Variants in ROR2 observed in about 807,000 individuals in gnomAD.
The protein encoded by ROR2 is tyrosine-protein kinase transmembrane receptor ROR2.
ROR2 carries 33 observed loss-of-function variants against 74.9 expected under a neutral mutation model. That is an observed-to-expected ratio of 0.44 (90% CI 0.33 to 0.59). The LOEUF (loss-of-function observed/expected upper bound fraction) is 0.59. Ranked by LOEUF, ROR2 falls within the 20% of genes least tolerant of loss-of-function variation. ROR2 has a pLI of 0.02. For synonymous variants in ROR2, 586 were observed against 558.7 expected, an observed-to-expected ratio of 1.05 and a Z score of -0.69; for missense variants, 1,216 against 1,313.8, an observed-to-expected ratio of 0.93 and a Z score of 1.15.
At chr9:91,800,822 A>G (rs768466838) in intron 1 of ROR2, among the ~76,000 whole-genome samples, 10 of 152,200 alleles carry the variant, frequency 6.6e-5, no homozygotes, top group Non-Finnish European at 1.0e-4. Context: ...GCAAACACAC[A>G]CTGGCTTGCA....
intron 1 of ROR2, among the ~76,000 whole-genome samples, chr9:91,878,848 C>T (rs1325321179): frequency 2.0e-5 from 3 of 152,094 alleles, no homozygotes; most frequent in Non-Finnish European, 2.9e-5. Context: ...GAGGCCGAGA[C>T]GGGCAGATCA....
chr9:91,937,615 C>G (rs1456887446), intron 1 of ROR2, among the ~76,000 whole-genome samples: 1 of 151,916 alleles, frequency 6.6e-6, no homozygotes, highest in African/African-American at 2.4e-5. Flanking sequence ...GCCCGACTCA[C>G]TTGTTCCAAT....
intron 4 of ROR2, among the ~76,000 whole-genome samples, chr9:91,740,560 G>C (rs149094761): frequency 0.021 from 3,097 of 145,526 alleles, 46 homozygotes; most frequent in Admixed American, 0.032. Context: ...TCGGGCGGGG[G>C]GGGGAATATA....
intron 4 of ROR2, among the ~76,000 whole-genome samples, chr9:91,741,318 A>G (rs1319974446): frequency 6.8e-6 from 1 of 147,538 alleles, no homozygotes; most frequent in African/African-American, 2.5e-5. Context: ...TAATAATAAT[A>G]ATAATAATAA....
At chr9:91,740,882 A>T (rs1014882542) in intron 4 of ROR2, among the ~76,000 whole-genome samples, 1 of 152,088 alleles carries the variant, frequency 6.6e-6, no homozygotes. Flanking sequence ...CACGTTTCAG[A>T]AATGAAGTGT....
At chr9:91,727,758 C>T (rs1837094908) in intron 7 of ROR2, among the ~76,000 whole-genome samples, 1 of 152,172 alleles carries the variant, frequency 6.6e-6, no homozygotes, top group South Asian at 2.1e-4. Context: ...GGGCAAAGCG[C>T]TTCTCATCTG....
chr9:91,810,543 G>A (rs28700038), intron 1 of ROR2, among the ~76,000 whole-genome samples: 11,521 of 152,190 alleles, frequency 0.076, 1,089 homozygotes, highest in African/African-American at 0.21. Context: ...CACTTCAGCT[G>A]CAAGCAGGGC....
At chr9:91,729,181 G>A (rs566294350) in intron 7 of ROR2, among the ~76,000 whole-genome samples, 3 of 151,064 alleles carry the variant, frequency 2.0e-5, no homozygotes, top group South Asian at 4.2e-4. Context: ...CCAAAACCTC[G>A]TAAAAGTCAG....
At chr9:91,869,010 TAGAG>T (rs933913647) in intron 1 of ROR2, among the ~76,000 whole-genome samples, 3 of 152,290 alleles carry the variant, frequency 2.0e-5, no homozygotes, top group African/African-American at 4.8e-5. Context: ...GTATTCACCA[TAGAG>T]AGAGGAAAAC....
intron 4 of ROR2, among the ~76,000 whole-genome samples, chr9:91,744,385 C>A (rs369093473): frequency 4.2e-4 from 64 of 151,958 alleles, no homozygotes; most frequent in African/African-American, 1.4e-3. Flanking sequence ...CCACACCCAG[C>A]TAATTTTTGT....
chr9:91,878,129 GA>G (rs1303552229), intron 1 of ROR2, among the ~76,000 whole-genome samples: 1 of 151,758 alleles, frequency 6.6e-6, no homozygotes, highest in Admixed American at 6.6e-5. Flanking sequence ...TCATTGCTAG[GA>G]AAAAAAACAC....
chr9:91,783,842 C>A (rs1411300304), intron 1 of ROR2, among the ~76,000 whole-genome samples: 1 of 152,166 alleles, frequency 6.6e-6, no homozygotes, highest in Admixed American at 6.5e-5. Context: ...GTGCTCACAA[C>A]CTCCCCACTC....
chr9:91,794,920 G>A (rs905433474), intron 1 of ROR2, among the ~76,000 whole-genome samples: 9 of 152,154 alleles, frequency 5.9e-5, no homozygotes, highest in South Asian at 2.1e-4. Flanking sequence ...TCAAGACTTC[G>A]AGACCAGCCT....
chr9:91,949,786 G>A (rs1342620947), intron 1 of ROR2, 81 bp downstream of exon 1: 3 of 909,874 alleles, frequency 3.3e-6, no homozygotes, highest in Non-Finnish European at 5.2e-6. Flanking sequence ...CGCAGCGGCC[G>A]GGAGCATAGT....
chr9:91,724,264 T>A lies in ROR2; in HGVS notation c.2230A>T (p.Ser744Cys), dbSNP rs757417316. ...SRRPRFKDIHSRLRAWGNLSN... is the reference protein window; with the variant it reads ...SRRPRFKDIHCRLRAWGNLSN... ...AGGTTGCCCCAGGCTCGGAGCCGGC[T>A]GTGGATGTCCTTGAAGCGGGGCCGC... The change falls in exon 9 of 9, where the codon AGC (serine) becomes TGC (cysteine). Residue 744 changes from serine to cysteine, a missense_variant. Physicochemically the swap from Ser to Cys is moderately radical, Grantham distance 112. Transcript: ENST00000375708. 2.0e-5 allele frequency: 32 copies of A among 1,613,416 alleles called. No individual in the cohort carries two copies. The highest frequency in any genetic ancestry group is 2.6e-5 in the Non-Finnish European group (31 of 1,180,016).
At chr9:91,877,138 AC>A (rs1480007590) in intron 1 of ROR2, among the ~76,000 whole-genome samples, 8 of 152,150 alleles carry the variant, frequency 5.3e-5, no homozygotes, top group African/African-American at 1.9e-4. Context: ...AAAGAACATG[AC>A]GTGCAACTGA....
intron 2 of ROR2, 44 bp from the exon 3 acceptor site, chr9:91,757,603 C>A (rs200953062): frequency 7.5e-6 from 12 of 1,598,290 alleles, no homozygotes; most frequent in Non-Finnish European, 1.0e-5. Context: ...TCAGTGAGGG[C>A]TGGAAGGAAG....
At chr9:91,772,130 G>A (rs1020792575) in intron 2 of ROR2, among the ~76,000 whole-genome samples, 4 of 152,202 alleles carry the variant, frequency 2.6e-5, no homozygotes, top group African/African-American at 9.6e-5. Context: ...GACGGGTGGA[G>A]TGAGTCTCCA....
chr9:91,845,505 C>T (rs1364044470), intron 1 of ROR2, among the ~76,000 whole-genome samples: 1 of 152,126 alleles, frequency 6.6e-6, no homozygotes. Flanking sequence ...AGAAGCCAAC[C>T]CCCACCCTCA....
Sources: allele counts gnomAD v4.1 joint callset (sites outside exome capture counted in the v4.1 genomes callset), GRCh38; gene constraint gnomAD v4.1.1; transcripts MANE v1.5; gene names NCBI Gene and HGNC (gene_info 2026-07-23, HGNC 2026-07-21).